The following PIBF1 variants were observed in gnomAD, a reference collection of about 807,000 sequenced individuals.
PIBF1 encodes the protein progesterone-induced-blocking factor 1.
Under a neutral mutation model 112.5 loss-of-function variants are expected in PIBF1, and 90 were observed. The observed-to-expected ratio is 0.80, with a 90% CI of 0.67 to 0.95. The LOEUF (loss-of-function observed/expected upper bound fraction) is 0.95. Ranked by LOEUF, PIBF1 falls within the 40% of genes least tolerant of loss-of-function variation. The pLI is 0.00. For synonymous variants in PIBF1, 301 were observed against 288.6 expected, an observed-to-expected ratio of 1.04 and a Z score of -0.44; for missense variants, 915 against 852.3, an observed-to-expected ratio of 1.07 and a Z score of -0.92.
intron 11 of PIBF1, among the ~76,000 whole-genome samples, chr13:72,894,772 A>ATAGTGTGTGTGTGTGTGT (rs1491462402): frequency 1.9e-4 from 26 of 137,216 alleles, no homozygotes; most frequent in African/African-American, 6.8e-4. Context: ...ATATATATAT[A>ATAGTGTGTGTGTGTGTGT]GTGTGTGTGT....
At chr13:72,925,753 G>A (rs1481566126) in intron 13 of PIBF1, among the ~76,000 whole-genome samples, 1 of 151,850 alleles carries the variant, frequency 6.6e-6, no homozygotes, top group African/African-American at 2.4e-5. Flanking sequence ...TGTTGGCCAG[G>A]CTGGTCTCGA....
chr13:72,952,650 G>GT (rs919297933), intron 14 of PIBF1, among the ~76,000 whole-genome samples: 24 of 131,478 alleles, frequency 1.8e-4, no homozygotes, highest in Middle Eastern at 4.0e-3. Context: ...TTTTTTTTTA[G>GT]TTTTTTTTTA....
chr13:72,827,937 C>T (rs9564921), intron 8 of PIBF1, 23 bp downstream of exon 8: 472,294 of 1,490,322 alleles, frequency 0.32, 79,326 homozygotes, highest in Admixed American at 0.52. Context: ...TTATTTCCCA[C>T]GTAAATAGAT....
chr13:72,898,850 GA>G (rs796629828), intron 11 of PIBF1, among the ~76,000 whole-genome samples: 16,718 of 99,142 alleles, frequency 0.17, 1,176 homozygotes, highest in Non-Finnish European at 0.22. Flanking sequence ...CTCCATCTCA[GA>G]AAAAAAAAAA....
At chr13:72,927,849 G>T in intron 13 of PIBF1, among the ~76,000 whole-genome samples, 1 of 147,592 alleles carries the variant, frequency 6.8e-6, no homozygotes, top group Non-Finnish European at 1.5e-5. Context: ...ATTATCTTTT[G>T]TTCTTTTCTG....
At position 72,996,097 on chromosome 13, in the gene PIBF1, G is replaced by A. The variant is rs865936350; in HGVS notation, c.2050-2725G>A. Among the ~76,000 whole-genome samples the A allele has an allele frequency of 1.8e-5, 2 of 112,712 alleles. 1 individual carries two copies. The allele number at this position is 112,712 out of a possible 152,430, so 73.9% of individuals were successfully genotyped here. On this transcript the variant is annotated intron_variant, in intron 16 of 17. Transcript: ENST00000326291. ...ACAAAAAAAAAAAAGCGGGGGGGGG[G>A]GGTCATAAACAAAGTCAAGTAAGAG...
chr13:72,836,655 G>A lies in PIBF1; in HGVS notation c.1223+1287G>A, dbSNP rs141142903. On this transcript the variant is annotated intron_variant, in intron 9 of 17. Transcript: ENST00000326291. The stretch of plus-strand genomic sequence containing the variant: ...AGATTTTTATGCTAATGCCTCTGAG[G>A]GGTATGATTTTATTCTCAGGTTTCT... Among the ~76,000 whole-genome samples the A allele has an allele frequency of 1.6e-3, 244 of 152,054 alleles. 1 individual carries two copies. Among genetic ancestry groups the A allele is most frequent in the African/African-American group, 5.6e-3 (234 of 41,528 alleles).
chr13:72,895,929 T>C (rs1356442797), intron 11 of PIBF1, among the ~76,000 whole-genome samples: 1 of 152,128 alleles, frequency 6.6e-6, no homozygotes, highest in Non-Finnish European at 1.5e-5. Flanking sequence ...GGCTGTTGTG[T>C]TGGGGGGAGC....
chr13:72,973,572 C>A lies in PIBF1; in HGVS notation c.1965-19C>A. The A allele has an allele frequency of 2.2e-6, 3 of 1,344,738 alleles. No individual in the cohort carries two copies. Among genetic ancestry groups the A allele is most frequent in the Non-Finnish European group, 3.1e-6 (3 of 964,406 alleles). 83.3% of individuals were successfully genotyped at this position (1,344,738 alleles called of 1,614,324 possible). On this transcript the variant is annotated intron_variant, in intron 15 of 17. Transcript: ENST00000326291. The stretch of plus-strand genomic sequence containing the variant: ...ATACTAACATAATGACTTTTTAAAA[C>A]TGGGGTTTTTTTTTTCAGCAACTTA...
chr13:72,817,930 GT>G (rs1174257157), intron 5 of PIBF1, among the ~76,000 whole-genome samples: 1 of 152,006 alleles, frequency 6.6e-6, no homozygotes, highest in African/African-American at 2.4e-5. Context: ...TAATAATTTC[GT>G]TTAAGGGGAA....
intron 2 of PIBF1, among the ~76,000 whole-genome samples, chr13:72,791,268 A>G (rs575178105): frequency 5.3e-4 from 81 of 152,142 alleles, no homozygotes; most frequent in African/African-American, 1.9e-3. Flanking sequence ...GTTAGCCAGT[A>G]TGGTCTCCAT....
Position 72,937,188 on chromosome 13 carries a change from T to C in PIBF1, c.1833+5921T>C, listed in dbSNP as rs144852317. ...ATTGATATGGTTATGTTCAAGTTTT[T>C]CATCTTGCTAATGTTTTCTGTTTGG... On this transcript the variant is annotated intron_variant, in intron 14 of 17. Coordinates refer to ENST00000326291, the MANE Select transcript of PIBF1 (RefSeq NM_006346.4). Among the ~76,000 whole-genome samples the C allele has an allele frequency of 1.0e-3, 158 of 152,328 alleles. 2 individuals are homozygous for C. The East Asian group carries it at 0.02, about 20-fold the overall frequency.
At chr13:72,897,653 A>AG in intron 11 of PIBF1, among the ~76,000 whole-genome samples, 1 of 152,360 alleles carries the variant, frequency 6.6e-6, no homozygotes, top group East Asian at 1.9e-4. Context: ...AAAAGCGAGC[A>AG]GGGGTAGCTA....
intron 16 of PIBF1, among the ~76,000 whole-genome samples, chr13:72,982,434 T>TA (rs1264281465): frequency 2.6e-5 from 4 of 151,902 alleles, no homozygotes; most frequent in African/African-American, 4.8e-5. Context: ...AGACCCTATC[T>TA]AAAAAAACAC....
At chr13:72,826,811 A>G (rs938966116) in intron 6 of PIBF1, among the ~76,000 whole-genome samples, 199 bp from the exon 7 acceptor site, 3 of 152,168 alleles carry the variant, frequency 2.0e-5, no homozygotes, top group Admixed American at 6.6e-5. Flanking sequence ...ATAAATTGAT[A>G]TGTATGTATT....
intron 10 of PIBF1, among the ~76,000 whole-genome samples, chr13:72,888,277 A>G (rs1465294930): frequency 6.6e-6 from 1 of 152,162 alleles, no homozygotes; most frequent in African/African-American, 2.4e-5. Flanking sequence ...GATTTTTAAG[A>G]TAATATTGGG....
chr13:72,925,667 A>G (rs1383464562), intron 13 of PIBF1, among the ~76,000 whole-genome samples: 1 of 147,194 alleles, frequency 6.8e-6, no homozygotes, highest in African/African-American at 2.5e-5. Context: ...TCAGCCTCCT[A>G]AGTAGCTGGG....
At chr13:72,804,228 C>T (rs1188202906) in intron 5 of PIBF1, among the ~76,000 whole-genome samples, 1 of 151,956 alleles carries the variant, frequency 6.6e-6, no homozygotes, top group Non-Finnish European at 1.5e-5. Context: ...TTTCCTCACC[C>T]ATTGCAAGGT....
intron 10 of PIBF1, among the ~76,000 whole-genome samples, 187 bp from the exon 11 acceptor site, chr13:72,893,597 G>A (rs1401243804): frequency 6.6e-6 from 1 of 152,046 alleles, no homozygotes; most frequent in East Asian, 1.9e-4. Flanking sequence ...TAATTGATAT[G>A]TTCACTGTAA....
Sources: gnomAD v4.1 joint callset for allele counts (sites outside exome capture counted in the v4.1 genomes callset) on GRCh38, gnomAD v4.1.1 for gene constraint, MANE v1.5 for transcripts, NCBI Gene and HGNC (gene_info 2026-07-23, HGNC 2026-07-21) for gene names.